CDC42BPA: variants seen among roughly 807,000 people sequenced by gnomAD.
CDC42BPA encodes serine/threonine-protein kinase MRCK alpha.
CDC42BPA carries 80 observed loss-of-function variants against 223.5 expected under a neutral mutation model. That is an observed-to-expected ratio of 0.36 (90% CI 0.30 to 0.43). The LOEUF (loss-of-function observed/expected upper bound fraction) is 0.43, where lower values mean the gene tolerates loss of function less well. Ranked by LOEUF, CDC42BPA falls within the 20% of genes least tolerant of loss-of-function variation. The pLI, the probability that CDC42BPA is intolerant of heterozygous loss-of-function variation, is 1.00. For synonymous variants in CDC42BPA, 694 were observed against 718.6 expected, an observed-to-expected ratio of 0.97 and a Z score of 0.55; for missense variants, 1,743 against 2,099.9, an observed-to-expected ratio of 0.83 and a Z score of 3.32.
At chr1:227,230,040 A>G (rs1011216256) in intron 2 of CDC42BPA, among the ~76,000 whole-genome samples, 1 of 152,190 alleles carries the variant, frequency 6.6e-6, no homozygotes. Context: ...ATAGGCCTTC[A>G]AGGATCGAAA....
intron 5 of CDC42BPA, among the ~76,000 whole-genome samples, chr1:227,192,826 A>G (rs7550555): frequency 0.68 from 103,700 of 151,878 alleles, 35,636 homozygotes; most frequent in South Asian, 0.73. Flanking sequence ...ATCTCTTTTG[A>G]CACATACAAT....
chr1:227,218,772 G>A (rs1211458983), intron 2 of CDC42BPA, among the ~76,000 whole-genome samples: 1 of 152,156 alleles, frequency 6.6e-6, no homozygotes, highest in Non-Finnish European at 1.5e-5. Context: ...AGAAATCACT[G>A]TATCTGCATT....
chr1:227,047,294 T>C (rs554059126), intron 23 of CDC42BPA, among the ~76,000 whole-genome samples: 1 of 152,342 alleles, frequency 6.6e-6, no homozygotes, highest in South Asian at 2.1e-4. Flanking sequence ...ATTCATGTTC[T>C]ATCTGGCCTT....
chr1:227,065,181 CCA>C (rs1319877235), intron 21 of CDC42BPA, among the ~76,000 whole-genome samples: 2 of 152,076 alleles, frequency 1.3e-5, no homozygotes, highest in African/African-American at 2.4e-5. Context: ...CAATGTATCA[CCA>C]CACTGTCCTA....
At chr1:227,006,613 C>A (rs1664102782) in intron 34 of CDC42BPA, among the ~76,000 whole-genome samples, 1 of 152,176 alleles carries the variant, frequency 6.6e-6, no homozygotes, top group Non-Finnish European at 1.5e-5. Flanking sequence ...TCTGCAGTAT[C>A]ACTTTCAAAC....
chr1:227,121,783 C>A (rs1213764182), intron 11 of CDC42BPA, among the ~76,000 whole-genome samples: 1 of 150,746 alleles, frequency 6.6e-6, no homozygotes, highest in Non-Finnish European at 1.5e-5. Context: ...TTTTAGGATA[C>A]CAACAATTTC....
At chr1:227,074,185 G>A in intron 18 of CDC42BPA, 74 bp downstream of exon 18, 2 of 1,343,126 alleles carry the variant, frequency 1.5e-6, no homozygotes, top group Non-Finnish European at 2.1e-6. Context: ...ATAAGTAATT[G>A]GATTTATTAT....
At position 227,145,324 on chromosome 1, in the gene CDC42BPA, CTTAAT is replaced by C. The variant is rs1346255244; in HGVS notation, c.1143+160_1143+164del. Among the ~76,000 whole-genome samples the C allele has an allele frequency of 8.5e-5, 13 of 152,286 alleles. No individual in the cohort carries two copies. The East Asian group carries it at 2.5e-3, about 29-fold the overall frequency. On this transcript the variant is annotated intron_variant, in intron 8 of 36. Transcript: ENST00000366766. ...TATGTTCACCTCAGTTAACTTTCTT[CTTAAT>C]TTGATTTGTGACAGAATAAGCACCA...
chr1:227,159,850 G>C (rs991757479), intron 6 of CDC42BPA, among the ~76,000 whole-genome samples: 1 of 151,664 alleles, frequency 6.6e-6, no homozygotes, highest in Non-Finnish European at 1.5e-5. Flanking sequence ...GGCTCTGGGG[G>C]AGTGAGGGGG....
At chr1:227,031,646 C>T (rs2148667929) in intron 27 of CDC42BPA, 132 bp from the exon 28 acceptor site, 1 of 682,478 alleles carries the variant, frequency 1.5e-6, no homozygotes, top group Non-Finnish European at 2.5e-6. Context: ...TACTGGAGTT[C>T]AGCTATTCCT....
At chr1:227,010,724 G>A (rs1320571199) in intron 34 of CDC42BPA, among the ~76,000 whole-genome samples, 6 of 128,404 alleles carry the variant, frequency 4.7e-5, no homozygotes, top group African/African-American at 1.3e-4. Flanking sequence ...GATACATGGA[G>A]GAAGAGGAAG....
At chr1:227,085,815 G>GT (rs1290846064) in intron 16 of CDC42BPA, among the ~76,000 whole-genome samples, 4 of 151,880 alleles carry the variant, frequency 2.6e-5, no homozygotes, top group East Asian at 3.9e-4. Flanking sequence ...TAGTTTACCA[G>GT]TTTTTTTTCA....
chr1:227,057,413 A>G lies in CDC42BPA; in HGVS notation c.2905-5428T>C, dbSNP rs1177858078. On this transcript the variant is annotated intron_variant, in intron 21 of 36. Coordinates refer to ENST00000366766, the MANE Select transcript of CDC42BPA (RefSeq NM_001394014.1). ...ACTGCATATTTTCTTGTCTAAAAAC[A>G]TGGTATATAACATAAAATCTTATGC... is the stretch of plus-strand genomic sequence containing the variant. Among the ~76,000 whole-genome samples, 5 of 152,188 alleles carry G rather than the reference A, an allele frequency of 3.3e-5. No individual in the cohort carries two copies. In the South Asian group the frequency reaches 8.3e-4, roughly 25 times the overall value.
intron 1 of CDC42BPA, among the ~76,000 whole-genome samples, chr1:227,301,501 A>G (rs1397502795): frequency 1.3e-5 from 2 of 152,082 alleles, no homozygotes; most frequent in South Asian, 4.1e-4. Flanking sequence ...CTGGGACTAC[A>G]GGCATGTGCC....
chr1:227,032,722 A>G (rs1669508468), intron 27 of CDC42BPA, among the ~76,000 whole-genome samples: 2 of 152,160 alleles, frequency 1.3e-5, no homozygotes, highest in Admixed American at 6.5e-5. Flanking sequence ...CAGCCAGCCT[A>G]CCTGACGACC....
chr1:227,193,438 G>A (rs1245912091), intron 5 of CDC42BPA, among the ~76,000 whole-genome samples: 2 of 151,810 alleles, frequency 1.3e-5, no homozygotes, highest in East Asian at 3.9e-4. Flanking sequence ...TGTGAGTTAT[G>A]CAATATAGTG....
At position 226,992,952 on chromosome 1, in the gene CDC42BPA, T is replaced by C. The variant is rs1660931207; in HGVS notation, c.*1316A>G. On this transcript the variant is annotated 3_prime_UTR_variant, in exon 37 of 37. Coordinates refer to ENST00000366766, the MANE Select transcript of CDC42BPA (RefSeq NM_001394014.1). ...CTCACTCTGGCCTGCGCACTGGGGTTGTCACATCCATTTTCCACTGGCTAT... is the reference window on the plus strand; with the variant it reads ...CTCACTCTGGCCTGCGCACTGGGGTCGTCACATCCATTTTCCACTGGCTAT... 1 of 152,256 alleles carries C rather than the reference T, an allele frequency of 6.6e-6. No individual in the cohort carries two copies. The highest frequency in any genetic ancestry group is 2.4e-5 in the African/African-American group (1 of 41,468). The allele number at this position is 152,256 out of a possible 1,614,324, so 9.4% of individuals were successfully genotyped here.
chr1:227,025,235 CCT>C (rs557943576), intron 31 of CDC42BPA, among the ~76,000 whole-genome samples: 333 of 151,970 alleles, frequency 2.2e-3, no homozygotes, highest in Non-Finnish European at 4.1e-3. Flanking sequence ...AGAGCGAGAC[CCT>C]GTCTCAAAAA....
At chr1:227,208,087 G>A (rs1572370637) in intron 3 of CDC42BPA, among the ~76,000 whole-genome samples, 1 of 99,386 alleles carries the variant, frequency 1.0e-5, no homozygotes, top group Non-Finnish European at 2.1e-5. Flanking sequence ...ATCTCATTGT[G>A]GTTTTGATTT....
Sources: allele counts gnomAD v4.1 joint callset (sites outside exome capture counted in the v4.1 genomes callset), GRCh38; gene constraint gnomAD v4.1.1; transcripts MANE v1.5; gene names NCBI Gene and HGNC (gene_info 2026-07-23, HGNC 2026-07-21).